The following PLAC9 variants were observed in gnomAD, a reference collection of about 807,000 sequenced individuals.
PLAC9 encodes the protein placenta-specific protein 9.
PLAC9 carries 12 observed loss-of-function variants against 11.5 expected under a neutral mutation model. That is an observed-to-expected ratio of 1.05 (90% CI 0.67 to 1.69). The LOEUF is 1.69. PLAC9 is among the 40% of genes most tolerant of loss of function. The pLI is 0.00. For synonymous variants in PLAC9, 62 were observed against 58.1 expected, an observed-to-expected ratio of 1.07 and a Z score of -0.31; for missense variants, 132 against 130.5, an observed-to-expected ratio of 1.01 and a Z score of -0.06.
At chr10:80,139,441 A>G (rs1054780791) in intron 1 of PLAC9, among the ~76,000 whole-genome samples, 2 of 151,962 alleles carry the variant, frequency 1.3e-5, no homozygotes, top group Admixed American at 6.6e-5. Flanking sequence ...TGCCTCCACC[A>G]CATCCATCCT....
intron 1 of PLAC9, among the ~76,000 whole-genome samples, chr10:80,135,911 TCAAAG>T (rs1489476106): frequency 6.6e-6 from 1 of 152,236 alleles, no homozygotes; most frequent in Non-Finnish European, 1.5e-5. Flanking sequence ...GGGTTGCTTT[TCAAAG>T]CAGAGTGTGA....
chr10:80,134,340 T>C (rs1327523162), intron 1 of PLAC9, among the ~76,000 whole-genome samples: 1 of 151,242 alleles, frequency 6.6e-6, no homozygotes, highest in Non-Finnish European at 1.5e-5. Context: ...CTCAGCTCAC[T>C]GCAACCTCCG....
chr10:80,142,899 A>T (rs56196124), intron 2 of PLAC9, among the ~76,000 whole-genome samples: 15,957 of 151,794 alleles, frequency 0.11, 981 homozygotes, highest in South Asian at 0.24. Context: ...TTCTGTATTT[A>T]TTTTGTAGAG....
At chr10:80,143,514 A>T (rs547818773) in intron 2 of PLAC9, among the ~76,000 whole-genome samples, 13 of 140,070 alleles carry the variant, frequency 9.3e-5, no homozygotes, top group Admixed American at 5.4e-4. Flanking sequence ...CTCTTGCCTC[A>T]GCCTCCCGAG....
intron 1 of PLAC9, among the ~76,000 whole-genome samples, chr10:80,134,401 C>T (rs1468399610): frequency 2.0e-5 from 3 of 151,922 alleles, no homozygotes; most frequent in Admixed American, 1.3e-4. Context: ...GTAGCTGGGA[C>T]TACAGGCACG....
At chr10:80,135,468 G>T (rs191357953) in intron 1 of PLAC9, among the ~76,000 whole-genome samples, 1 of 151,828 alleles carries the variant, frequency 6.6e-6, no homozygotes, top group Non-Finnish European at 1.5e-5. Flanking sequence ...TGGGATTACA[G>T]GTGTGCACCA....
intron 1 of PLAC9, among the ~76,000 whole-genome samples, chr10:80,140,102 G>A (rs1365860262): frequency 6.6e-6 from 1 of 151,980 alleles, no homozygotes; most frequent in African/African-American, 2.4e-5. Flanking sequence ...CCTTCGAGAT[G>A]TGGTCCCACC....
chr10:80,138,801 C>G (rs926499708), intron 1 of PLAC9, among the ~76,000 whole-genome samples: 2 of 152,214 alleles, frequency 1.3e-5, no homozygotes, highest in African/African-American at 4.8e-5. Flanking sequence ...CATCCAATAC[C>G]AAGGCCTTAC....
intron 3 of PLAC9, 86 bp from the exon 4 acceptor site, chr10:80,144,814 G>A: frequency 1.5e-6 from 2 of 1,362,902 alleles, no homozygotes; most frequent in South Asian, 1.4e-5. Context: ...GGCCGGGGAG[G>A]GAAGGGAAGG....
intron 1 of PLAC9, among the ~76,000 whole-genome samples, chr10:80,138,676 G>C (rs144826841): frequency 2.0e-5 from 3 of 152,276 alleles, no homozygotes; most frequent in Non-Finnish European, 4.4e-5. Flanking sequence ...TTTGCAGATG[G>C]TGTGACCTTG....
Position 80,142,324 on chromosome 10 carries a change from C to T in PLAC9, c.162+145C>T, listed in dbSNP as rs990309286. On this transcript the variant is annotated intron_variant, in intron 2 of 3. Transcript: ENST00000372263. ...GCCACCTCGTCCAACATCACCCTCC[C>T]ATCTAGGCTGCCGGGCTGCCCAGCC... 3 of 630,342 alleles carry T rather than the reference C, an allele frequency of 4.8e-6. No homozygotes were observed. In the African/African-American group the frequency reaches 5.5e-5, roughly 12 times the overall value. 39.0% of individuals were successfully genotyped at this position (630,342 alleles called of 1,614,324 possible).
intron 1 of PLAC9, among the ~76,000 whole-genome samples, chr10:80,134,514 T>C (rs1295890851): frequency 6.6e-6 from 1 of 152,164 alleles, no homozygotes; most frequent in East Asian, 1.9e-4. Context: ...TCCACCTGCC[T>C]TGGCCTCCCA....
At chr10:80,141,203 T>C (rs2819877) in intron 1 of PLAC9, among the ~76,000 whole-genome samples, 72,720 of 151,836 alleles carry the variant, frequency 0.48, 18,104 homozygotes, top group Admixed American at 0.61. Flanking sequence ...ACCCCTCTTA[T>C]CCTGATTGCT....
upstream of PLAC9, among the ~76,000 whole-genome samples, chr10:80,132,373 G>A (rs535534013): frequency 2.6e-5 from 4 of 152,268 alleles, no homozygotes; most frequent in African/African-American, 9.6e-5. Context: ...ACTTCCCTCC[G>A]AGTCTTAGTC....
chr10:80,143,508 TGCCTCA>T (rs1845065518), intron 2 of PLAC9, among the ~76,000 whole-genome samples: 8 of 149,234 alleles, frequency 5.4e-5, no homozygotes, highest in Admixed American at 3.4e-4. Flanking sequence ...GTGATTCTCT[TGCCTCA>T]GCCTCCCGAG....
intron 2 of PLAC9, among the ~76,000 whole-genome samples, chr10:80,142,385 C>A (rs1845050839): frequency 6.6e-6 from 1 of 152,134 alleles, no homozygotes; most frequent in African/African-American, 2.4e-5. Flanking sequence ...GCCTTGCTTA[C>A]CCCCACCCGG....
Position 80,144,968 on chromosome 10 carries a change from GA to G in PLAC9, c.*60del. The stretch of plus-strand genomic sequence containing the variant: ...GTGCACCTGCCAGGCAGCGCCCACA[GA>G]ACCAGCCCTGTCCTCTCGACTTCCT... On this transcript the variant is annotated 3_prime_UTR_variant, in exon 4 of 4. Coordinates refer to ENST00000372263, the MANE Select transcript of PLAC9 (RefSeq NM_001012973.3). 1 of 1,556,072 alleles carries G rather than the reference GA, an allele frequency of 6.4e-7. No individual in the cohort carries two copies. The highest frequency in any genetic ancestry group is 8.7e-7 in the Non-Finnish European group (1 of 1,147,766).
chr10:80,136,539 G>A (rs1339135072), intron 1 of PLAC9, among the ~76,000 whole-genome samples: 5 of 152,086 alleles, frequency 3.3e-5, no homozygotes, highest in African/African-American at 7.2e-5. Context: ...TGGTGCAATC[G>A]TAGCTGACTG....
At chr10:80,132,536 G>T, upstream of PLAC9, 1 of 437,182 alleles carries the variant, frequency 2.3e-6, no homozygotes, top group Non-Finnish European at 4.0e-6. Flanking sequence ...CTCGGGAGGC[G>T]CCCAGGTGGC....
Sources: gnomAD v4.1 joint callset for allele counts (sites outside exome capture counted in the v4.1 genomes callset) on GRCh38, gnomAD v4.1.1 for gene constraint, MANE v1.5 for transcripts, NCBI Gene and HGNC (gene_info 2026-07-23, HGNC 2026-07-21) for gene names.